The following MTA3 variants were observed in gnomAD, a reference collection of about 807,000 sequenced individuals.
MTA3 encodes the protein metastasis-associated protein MTA3.
Under a neutral mutation model 83.5 loss-of-function variants are expected in MTA3, and 34 were observed. The ratio of observed to expected loss-of-function variants is 0.41; its 90% confidence interval spans 0.31 to 0.54. The LOEUF is 0.54. MTA3 is among the 20% of genes least tolerant of loss of function. The pLI, the probability that MTA3 is intolerant of heterozygous loss-of-function variation, is 0.33. For synonymous variants in MTA3, 303 were observed against 252.7 expected (o/e 1.20, Z -1.89); for missense variants, 761 against 726.4 (o/e 1.05, Z -0.55).
intron 3 of MTA3, among the ~76,000 whole-genome samples, chr2:42,581,360 C>CTTTT (rs778419810): frequency 2.4e-4 from 21 of 88,258 alleles, no homozygotes; most frequent in Non-Finnish European, 3.4e-4. Flanking sequence ...TCCCAAATTG[C>CTTTT]TTTTTTTTTT....
At chr2:42,521,117 C>G (rs1675409842) in intron 2 of MTA3, among the ~76,000 whole-genome samples, 1 of 152,150 alleles carries the variant, frequency 6.6e-6, no homozygotes, top group African/African-American at 2.4e-5. Context: ...TAAAATACAG[C>G]AAAAGGGATG....
intron 2 of MTA3, among the ~76,000 whole-genome samples, chr2:42,526,360 C>G (rs531644368): frequency 1.3e-5 from 2 of 152,152 alleles, no homozygotes; most frequent in Non-Finnish European, 2.9e-5. Context: ...CCACCGAGGC[C>G]GATTGGCCTT....
At chr2:42,510,788 A>G (rs1674863747) in intron 2 of MTA3, among the ~76,000 whole-genome samples, 1 of 152,286 alleles carries the variant, frequency 6.6e-6, no homozygotes. Flanking sequence ...AGGAAGTGGG[A>G]GAGCCAGGCA....
At chr2:42,560,612 C>G (rs1375675000) in intron 2 of MTA3, among the ~76,000 whole-genome samples, 1 of 151,128 alleles carries the variant, frequency 6.6e-6, no homozygotes, top group African/African-American at 2.4e-5. Context: ...CACACACACT[C>G]AAAACCCCAG....
intron 2 of MTA3, among the ~76,000 whole-genome samples, chr2:42,502,576 A>G (rs1338630615): frequency 6.6e-6 from 1 of 152,170 alleles, no homozygotes; most frequent in Non-Finnish European, 1.5e-5. Context: ...AGGCAGCTGA[A>G]TCACCTGAGG....
At chr2:42,532,283 G>A (rs2103724148) in intron 2 of MTA3, among the ~76,000 whole-genome samples, 1 of 152,294 alleles carries the variant, frequency 6.6e-6, no homozygotes, top group Middle Eastern at 3.4e-3. Flanking sequence ...GGTTGAGATG[G>A]GTGGATCACT....
chr2:42,587,665 C>T (rs1235735799), intron 3 of MTA3, among the ~76,000 whole-genome samples: 1 of 152,064 alleles, frequency 6.6e-6, no homozygotes, highest in Non-Finnish European at 1.5e-5. Flanking sequence ...GGCACAGTCT[C>T]AGCTCACTGA....
chr2:42,686,183 G>A (rs1019106200), intron 9 of MTA3, among the ~76,000 whole-genome samples: 8 of 152,190 alleles, frequency 5.3e-5, no homozygotes, highest in African/African-American at 1.9e-4. Flanking sequence ...CCAAGTGAAT[G>A]CATATATTAT....
At chr2:42,681,210 T>C (rs1691869678) in intron 8 of MTA3, among the ~76,000 whole-genome samples, 1 of 152,250 alleles carries the variant, frequency 6.6e-6, no homozygotes, top group Non-Finnish European at 1.5e-5. Flanking sequence ...GTGGCCTTGC[T>C]GTTCCAAGCA....
At chr2:42,562,153 T>C (rs1264325873) in intron 2 of MTA3, among the ~76,000 whole-genome samples, 1 of 152,174 alleles carries the variant, frequency 6.6e-6, no homozygotes, top group Non-Finnish European at 1.5e-5. Flanking sequence ...TTCTGTCTCT[T>C]ATAAGGACAC....
Position 42,667,580 on chromosome 2 carries a change from G to GTGTGTGTGTGTGTGTGTT in MTA3, c.702+7735_702+7736insTTGTGTGTGTGTGTGTGT, listed in dbSNP as rs1558562228. ...TCCATCATTTAAAAATTGTGTGTGTGTGTGTGTGTGTGTGTGTGTGTGTGT... is the reference window on the plus strand; with the variant it reads ...TCCATCATTTAAAAATTGTGTGTGTGTGTGTGTGTGTGTGTGTTTGTGTGTGTGTGTGTGTGTGTGTGT... On this transcript the variant is annotated intron_variant, in intron 8 of 16. Coordinates refer to ENST00000405094, the MANE Select transcript of MTA3 (RefSeq NM_001330442.2). Among the ~76,000 whole-genome samples, 160 of 127,382 alleles carry GTGTGTGTGTGTGTGTGTT rather than the reference G, an allele frequency of 1.3e-3. 1 individual carries two copies. The highest frequency in any genetic ancestry group is 2.7e-3 in the African/African-American group (88 of 32,826). 83.6% of individuals were successfully genotyped at this position (127,382 alleles called of 152,430 possible).
intron 11 of MTA3, 46 bp downstream of exon 11, chr2:42,697,880 T>C: frequency 7.5e-7 from 1 of 1,331,060 alleles, no homozygotes; most frequent in Non-Finnish European, 1.0e-6. Flanking sequence ...GTCTTAATTT[T>C]ATCATTGCAG....
At chr2:42,662,559 G>T in intron 8 of MTA3, among the ~76,000 whole-genome samples, 1 of 151,276 alleles carries the variant, frequency 6.6e-6, no homozygotes, top group African/African-American at 2.4e-5. Flanking sequence ...ATATACTTAG[G>T]CCTGTTTATA....
rs183872966 is a variant in MTA3, at chr2:42,624,846, A to G, written c.317+15262A>G. Among the ~76,000 whole-genome samples, 919 of 152,298 alleles carry G rather than the reference A, an allele frequency of 6.0e-3. 5 individuals carry two copies. The highest frequency in any genetic ancestry group is 0.01 in the Non-Finnish European group (713 of 68,030). ...AAGATGTTTACCCCATTGTCATCAG[A>G]CATCCATTGTCATTGAACATGAGTT... On this transcript the variant is annotated intron_variant, in intron 4 of 16. Coordinates refer to ENST00000405094, the MANE Select transcript of MTA3 (RefSeq NM_001330442.2).
intron 16 of MTA3, among the ~76,000 whole-genome samples, chr2:42,736,200 G>A (rs1010771159): frequency 6.6e-6 from 1 of 152,164 alleles, no homozygotes; most frequent in South Asian, 2.1e-4. Flanking sequence ...TCTTGCCTTG[G>A]TTGTCTTGGG....
At chr2:42,727,598 T>A (rs914322105) in intron 16 of MTA3, among the ~76,000 whole-genome samples, 2 of 151,966 alleles carry the variant, frequency 1.3e-5, no homozygotes, top group African/African-American at 4.8e-5. Context: ...AACTTGTCTG[T>A]GCCATGGGGG....
intron 2 of MTA3, among the ~76,000 whole-genome samples, chr2:42,538,733 G>GA (rs1418506394): frequency 5.1e-4 from 72 of 140,060 alleles, no homozygotes; most frequent in Non-Finnish European, 3.7e-4. Flanking sequence ...AAAAGAAAAA[G>GA]AAAAGAAAAG....
intron 4 of MTA3, among the ~76,000 whole-genome samples, chr2:42,618,648 C>T (rs895785733): frequency 1.3e-5 from 2 of 152,052 alleles, no homozygotes; most frequent in Non-Finnish European, 2.9e-5. Flanking sequence ...CGCTCTGTTG[C>T]CCAGGCTAGA....
In MTA3 at chr2:42,543,437, A is replaced by G. The variant is rs111370147; in HGVS notation, c.-140-27000A>G. 2.0e-5 allele frequency among the ~76,000 whole-genome samples: 3 copies of G among 151,814 alleles called. 1 individual carries two copies. The South Asian group carries it at 6.2e-4, about 32-fold the overall frequency. The stretch of plus-strand genomic sequence containing the variant: ...GTGATCCACCTACCTCGGCCTCCCA[A>G]AGTGGTGGGTTTACAGGCGTGAGCC... On this transcript the variant is annotated intron_variant, in intron 2 of 17. Coordinates refer to the MTA3 transcript ENST00000405592.
Sources: allele counts gnomAD v4.1 joint callset (sites outside exome capture counted in the v4.1 genomes callset), GRCh38; gene constraint gnomAD v4.1.1; transcripts MANE v1.5; gene names NCBI Gene and HGNC (gene_info 2026-07-23, HGNC 2026-07-21).